The following MEGF11 variants were observed in gnomAD, a reference collection of about 807,000 sequenced individuals.
The protein encoded by MEGF11 is multiple epidermal growth factor-like domains protein 11.
In MEGF11, 126 loss-of-function variants were observed where a neutral mutation model predicts 146.6. The ratio of observed to expected loss-of-function variants is 0.86; its 90% CI spans 0.74 to 1.00. The LOEUF is 1.00. MEGF11 is among the 50% of genes least tolerant of loss of function. The pLI, the probability that MEGF11 is intolerant of heterozygous loss-of-function variation, is 0.00. For missense variants in MEGF11, 1,509 were observed against 1,521.2 expected (o/e 0.99, Z 0.13); for synonymous variants, 532 against 583.4 (o/e 0.91, Z 1.27).
intron 13 of MEGF11, among the ~76,000 whole-genome samples, chr15:65,926,083 CAGT>C (rs1416671063): frequency 1.3e-5 from 2 of 152,346 alleles, no homozygotes; most frequent in East Asian, 3.9e-4. Flanking sequence ...GTTTGGCACA[CAGT>C]AGGTACTCAG....
At chr15:66,084,470 C>A (rs545206682) in intron 5 of MEGF11, among the ~76,000 whole-genome samples, 3 of 152,090 alleles carry the variant, frequency 2.0e-5, no homozygotes, top group Middle Eastern at 3.2e-3. Context: ...CAGGAGACAC[C>A]CCAAATACTG....
chr15:66,094,796 C>A (rs191573126), intron 4 of MEGF11, among the ~76,000 whole-genome samples: 1 of 152,086 alleles, frequency 6.6e-6, no homozygotes, highest in Admixed American at 6.5e-5. Flanking sequence ...CAACAGAGAC[C>A]GCCGCAAACC....
At chr15:66,149,531 C>A (rs1567264031) in intron 1 of MEGF11, among the ~76,000 whole-genome samples, 1 of 152,058 alleles carries the variant, frequency 6.6e-6, no homozygotes, top group Non-Finnish European at 1.5e-5. Flanking sequence ...ACTGTCACAC[C>A]CCCCTCCACC....
chr15:66,127,751 G>A (rs922768119), intron 2 of MEGF11, among the ~76,000 whole-genome samples: 14 of 152,078 alleles, frequency 9.2e-5, no homozygotes, highest in Non-Finnish European at 1.6e-4. Flanking sequence ...ACCTAGCGCC[G>A]CAGCTGGAAT....
chr15:65,997,548 A>AT (rs567074874), intron 5 of MEGF11, among the ~76,000 whole-genome samples: 1 of 151,918 alleles, frequency 6.6e-6, no homozygotes, highest in East Asian at 1.9e-4. Flanking sequence ...CTCTGGCTTT[A>AT]TTTTTTTCTT....
intron 1 of MEGF11, among the ~76,000 whole-genome samples, chr15:66,222,902 G>A: frequency 6.6e-6 from 1 of 152,176 alleles, no homozygotes; most frequent in East Asian, 1.9e-4. Context: ...AATGTAAAAT[G>A]GTGTAGCCAC....
chr15:66,200,623 T>C (rs963679090), intron 1 of MEGF11, among the ~76,000 whole-genome samples: 1 of 142,998 alleles, frequency 7.0e-6, no homozygotes, highest in Non-Finnish European at 1.6e-5. Context: ...AAGGAGGCTG[T>C]GACAACAGCA....
chr15:66,148,245 C>T (rs2089445796), intron 1 of MEGF11, among the ~76,000 whole-genome samples: 1 of 151,498 alleles, frequency 6.6e-6, no homozygotes, highest in African/African-American at 2.4e-5. Flanking sequence ...AGGAGAGAGG[C>T]AAACTAGGAA....
At chr15:65,946,890 C>T (rs994584710) in intron 10 of MEGF11, among the ~76,000 whole-genome samples, 1 of 152,190 alleles carries the variant, frequency 6.6e-6, no homozygotes, top group Non-Finnish European at 1.5e-5. Flanking sequence ...TCCCTCCCTA[C>T]ACCCTCCTCG....
At chr15:66,090,666 G>A (rs751552092) in intron 5 of MEGF11, among the ~76,000 whole-genome samples, 2 of 152,184 alleles carry the variant, frequency 1.3e-5, no homozygotes, top group Non-Finnish European at 2.9e-5. Context: ...GAAAAAGGAC[G>A]GTGGGCCTAT....
intron 21 of MEGF11, 48 bp from the exon 22 acceptor site, chr15:65,909,854 C>G (rs1280938853): frequency 4.0e-6 from 6 of 1,485,844 alleles, no homozygotes; most frequent in Non-Finnish European, 5.5e-6. Flanking sequence ...CCCCAGGTAC[C>G]CCTCCCCAGT....
At chr15:66,161,901 G>C (rs1213818914) in intron 1 of MEGF11, among the ~76,000 whole-genome samples, 1 of 152,154 alleles carries the variant, frequency 6.6e-6, no homozygotes, top group Non-Finnish European at 1.5e-5. Context: ...ACAATAAAAA[G>C]TATGCTTTGC....
intron 1 of MEGF11, among the ~76,000 whole-genome samples, chr15:66,145,832 C>G (rs1383968670): frequency 6.6e-6 from 1 of 152,100 alleles, no homozygotes; most frequent in Admixed American, 6.5e-5. Context: ...CTTAATCTTG[C>G]GGGGGATCTG....
chr15:65,905,267 A>G (rs1452850956), intron 24 of MEGF11: 1 of 152,228 alleles, frequency 6.6e-6, no homozygotes, highest in African/African-American at 2.4e-5. Context: ...CAGTATGCAA[A>G]AAACACTTCC....
chr15:65,906,098 G>A lies in MEGF11; in HGVS notation c.3042C>T (p.Asp1014=), dbSNP rs1322654533. 47 of 1,610,668 alleles carry A rather than the reference G, an allele frequency of 2.9e-5. No homozygotes were observed. The highest frequency in any genetic ancestry group is 3.6e-5 in the Non-Finnish European group (43 of 1,178,338). ...MDRRQNTYIM[D]KGFKDYMKES... ...TGGATACTCTACCTTTGAAGCCTTT[G>A]TCCATAATGTATGTGTTCTGACGTC... Residue 1014 remains aspartate (D), a synonymous_variant, in exon 24 of 26, where the codon GAC becomes GAT. Coordinates refer to ENST00000395614, the MANE Select transcript of MEGF11 (RefSeq NM_001385028.1).
rs2084549697 is a variant in MEGF11, at chr15:66,053,714, A to ATTTT, written c.394+40687_394+40688insAAAA. Among the ~76,000 whole-genome samples the ATTTT allele has an allele frequency of 2.3e-3, 98 of 42,284 alleles. 33 individuals are homozygous for ATTTT. The highest frequency in any genetic ancestry group is 2.5e-3 in the African/African-American group (48 of 19,004). The allele number at this position is 42,284 out of a possible 152,430, so 27.7% of individuals were successfully genotyped here. The stretch of plus-strand genomic sequence containing the variant: ...ACTCAGCTCCCCCTCCCCTGGCACC[A>ATTTT]ATTTTTTTTTTTTTTTTTTTTTTTT... On this transcript the variant is annotated intron_variant, in intron 5 of 25. Transcript: ENST00000395614.
chr15:66,072,014 G>T (rs2140476668), intron 5 of MEGF11, among the ~76,000 whole-genome samples: 1 of 152,350 alleles, frequency 6.6e-6, no homozygotes, highest in East Asian at 1.9e-4. Context: ...CTCTCCAGGA[G>T]CTCTTCCCTG....
chr15:65,958,156 C>T (rs956684215), intron 9 of MEGF11, among the ~76,000 whole-genome samples: 1 of 152,230 alleles, frequency 6.6e-6, no homozygotes, highest in Non-Finnish European at 1.5e-5. Context: ...AGCAATGATA[C>T]CCCAGTGGCT....
chr15:65,938,657 C>T (rs2079872087), intron 10 of MEGF11, among the ~76,000 whole-genome samples: 1 of 152,256 alleles, frequency 6.6e-6, no homozygotes, highest in South Asian at 2.1e-4. Flanking sequence ...AATGTGAACC[C>T]TTCCTCCCAT....
Sources: gnomAD v4.1 joint callset for allele counts (sites outside exome capture counted in the v4.1 genomes callset) on GRCh38, gnomAD v4.1.1 for gene constraint, MANE v1.5 for transcripts, NCBI Gene and HGNC (gene_info 2026-07-23, HGNC 2026-07-21) for gene names.